Variants in NPLOC4 observed in about 807,000 individuals in gnomAD.
The protein encoded by NPLOC4 is nuclear protein localization protein 4 homolog.
A neutral mutation model predicts 80.6 loss-of-function variants in NPLOC4; 18 were observed. The ratio of observed to expected loss-of-function variants is 0.22; its 90% CI spans 0.15 to 0.33. The LOEUF is 0.33. Ranked by LOEUF, NPLOC4 falls within the 10% of genes least tolerant of loss-of-function variation. The probability of loss-of-function intolerance (pLI) is 1.00; values close to 1 mark genes in which losing one functional copy is unlikely to be tolerated. For synonymous variants in NPLOC4, 313 were observed against 301.5 expected, an observed-to-expected ratio of 1.04 and a Z score of -0.39; for missense variants, 540 against 786.1, an observed-to-expected ratio of 0.69 and a Z score of 3.74.
At chr17:81,597,218 A>C (rs752631220) in intron 10 of NPLOC4, 27 bp downstream of exon 10, 2 of 1,593,642 alleles carry the variant, frequency 1.3e-6, no homozygotes, top group Non-Finnish European at 1.7e-6. Context: ...CCATAGGGCC[A>C]CACGCACAGT....
At chr17:81,634,020 C>T (rs145752697) in intron 1 of NPLOC4, among the ~76,000 whole-genome samples, 3,619 of 151,772 alleles carry the variant, frequency 0.024, 141 homozygotes, top group African/African-American at 0.083. Context: ...CACGCCACCA[C>T]GCCCGGTTAA....
chr17:81,631,454 T>A (rs879506504), intron 1 of NPLOC4, among the ~76,000 whole-genome samples: 2,682 of 82,826 alleles, frequency 0.032, 90 homozygotes, highest in African/African-American at 0.069. Context: ...TTTTTTTTTT[T>A]TTTTTTTTCC....
chr17:81,617,491 CAG>C (rs898044798), intron 3 of NPLOC4, among the ~76,000 whole-genome samples: 1 of 152,078 alleles, frequency 6.6e-6, no homozygotes, highest in Non-Finnish European at 1.5e-5. Context: ...CTGACCAACA[CAG>C]AGAAACCCCA....
intron 3 of NPLOC4, among the ~76,000 whole-genome samples, chr17:81,614,724 C>T (rs1170271122): frequency 2.6e-5 from 4 of 152,188 alleles, no homozygotes; most frequent in African/African-American, 9.7e-5. Context: ...GCATGGCAAA[C>T]TGCTGACCTC....
chr17:81,564,210 T>C (rs1307853159), intron 16 of NPLOC4: 1 of 178,604 alleles, frequency 5.6e-6, no homozygotes, highest in Non-Finnish European at 1.2e-5. Context: ...TCAGGCAATA[T>C]ACCCAGGTGA....
At position 81,597,292 on chromosome 17, in the gene NPLOC4, C is replaced by G. The variant is rs552390573; in HGVS notation, c.946G>C (p.Val316Leu). Reference sequence around the variant, plus strand: ...GTACCCTTTCGGGTATCTTCTGAGACGAGGTCTGTAAATATCCAGCCAACC... The same window carrying G: ...GTACCCTTTCGGGTATCTTCTGAGAGGAGGTCTGTAAATATCCAGCCAACC... ...RKVGWIFTDLVSEDTRKGTVR... is the reference protein window; with the variant it reads ...RKVGWIFTDLLSEDTRKGTVR... Residue 316 changes from valine (V) to leucine (L), a missense_variant, in exon 10 of 17, where the codon GTC becomes CTC. Coordinates refer to ENST00000331134, the MANE Select transcript of NPLOC4 (RefSeq NM_017921.4). 1 of 1,613,294 alleles carries G rather than the reference C, an allele frequency of 6.2e-7. No homozygotes were observed. Among genetic ancestry groups the G allele is most frequent in the Admixed American group, 1.7e-5 (1 of 59,992 alleles).
At chr17:81,626,659 C>T (rs984176158) in intron 2 of NPLOC4, among the ~76,000 whole-genome samples, 2 of 152,108 alleles carry the variant, frequency 1.3e-5, no homozygotes, top group African/African-American at 4.8e-5. Flanking sequence ...ATGGTGAAAC[C>T]CCATCTCTAC....
In NPLOC4 at chr17:81,636,996, C is replaced by T. The variant is rs1291313244; in HGVS notation, c.-66G>A. ...GCCGCCTGCCGCCCCAAGGGCCTCG[C>T]AGACCCGGCCGCGGCCTCAGCCCCG... On this transcript the variant is annotated 5_prime_UTR_variant, in exon 1 of 17. Coordinates refer to ENST00000331134, the MANE Select transcript of NPLOC4 (RefSeq NM_017921.4). 2 of 1,089,608 alleles carry T rather than the reference C, an allele frequency of 1.8e-6. No homozygotes were observed. Among genetic ancestry groups the T allele is most frequent in the African/African-American group, 1.6e-5 (1 of 60,768 alleles). The allele number at this position is 1,089,608 out of a possible 1,614,324, so 67.5% of individuals were successfully genotyped here. A position where few individuals can be genotyped will look rare whatever the true frequency, so the allele number is the denominator to read the frequency against.
At position 81,636,893 on chromosome 17, in the gene NPLOC4, T is replaced by G. The variant is rs774568689; in HGVS notation, c.15+23A>C. Reference sequence around the variant, plus strand: ...TGCTGCCTCATCCCGGCGTCCCCGCTCCCGCCCGGCCGCCGCACTCACGAT... The same window carrying G: ...TGCTGCCTCATCCCGGCGTCCCCGCGCCCGCCCGGCCGCCGCACTCACGAT... On this transcript the variant is annotated intron_variant, in intron 1 of 16. Transcript: ENST00000331134. 71 of 1,407,288 alleles carry G rather than the reference T, an allele frequency of 5.0e-5. No individual in the cohort carries two copies. The Middle Eastern group carries it at 7.5e-4, about 15-fold the overall frequency. The allele number at this position is 1,407,288 out of a possible 1,614,324, so 87.2% of individuals were successfully genotyped here. A position where few individuals can be genotyped will look rare whatever the true frequency, so the allele number is the denominator to read the frequency against.
rs188329660 is a variant in NPLOC4 at position 81,582,212 on chromosome 17, A to T, written c.1281+6732T>A. 2.5e-4 allele frequency among the ~76,000 whole-genome samples: 38 copies of T among 152,320 alleles called. No homozygotes were observed. The East Asian group carries it at 6.5e-3, about 26-fold the overall frequency. On this transcript the variant is annotated intron_variant, in intron 12 of 16. Coordinates refer to ENST00000331134, the MANE Select transcript of NPLOC4 (RefSeq NM_017921.4). ...TTGTCCTGCAGGCTGCAGCAGCACA[A>T]CCAGGAGGGCCGTGAGGTAAGCGAG...
intron 10 of NPLOC4, 37 bp downstream of exon 10, chr17:81,597,208 C>A (rs529702722): frequency 6.4e-7 from 1 of 1,552,068 alleles, no homozygotes; most frequent in Non-Finnish European, 8.9e-7. Context: ...TGTAACCAAG[C>A]CATAGGGCCA....
At chr17:81,618,425 C>T (rs562897873) in intron 3 of NPLOC4, among the ~76,000 whole-genome samples, 1,948 of 151,818 alleles carry the variant, frequency 0.013, 15 homozygotes, top group Non-Finnish European at 0.02. Context: ...GCCCCGCAGC[C>T]GCCCCGTCTG....
intron 6 of NPLOC4, 87 bp from the exon 7 acceptor site, chr17:81,606,901 C>T: frequency 7.8e-7 from 1 of 1,274,986 alleles, no homozygotes. Context: ...TCTTATACCT[C>T]CTGAACAGTG....
Position 81,559,311 on chromosome 17 carries a change from A to G in NPLOC4, c.1775T>C (p.Met592Thr). The change falls in exon 17 of 17, where the codon ATG becomes ACG. Residue 592 changes from methionine to threonine, a missense_variant. By Grantham distance (81) the Met-to-Thr change is moderately conservative (BLOSUM62 -1). Coordinates refer to ENST00000331134, the MANE Select transcript of NPLOC4 (RefSeq NM_017921.4). ...AMWACQHCTF[M>T]NQPGTGHCEM... is the part of the protein sequence containing the mutation. ...GCAGTGGCCTGTGCCTGGCTGGTTC[A>G]TGAACGTGCAGTGCTGACAGGCCCA... is the stretch of plus-strand genomic sequence containing the variant. 2 of 1,606,712 alleles carry G rather than the reference A, an allele frequency of 1.2e-6. No homozygotes were observed. The highest frequency in any genetic ancestry group is 4.5e-5 in the East Asian group (2 of 44,626).
chr17:81,590,137 CAG>C (rs1466831816), intron 11 of NPLOC4, among the ~76,000 whole-genome samples: 1 of 152,226 alleles, frequency 6.6e-6, no homozygotes, highest in African/African-American at 2.4e-5. Flanking sequence ...GGCCGCCACA[CAG>C]AGTTAATGCC....
At chr17:81,626,705 G>C (rs1399098925) in intron 2 of NPLOC4, among the ~76,000 whole-genome samples, 1 of 152,086 alleles carries the variant, frequency 6.6e-6, no homozygotes, top group Admixed American at 6.6e-5. Flanking sequence ...AGCTCACGTG[G>C]GAGGATCGTT....
At chr17:81,618,504 C>G (rs1188005349) in intron 3 of NPLOC4, among the ~76,000 whole-genome samples, 2 of 137,462 alleles carry the variant, frequency 1.5e-5, no homozygotes, top group Non-Finnish European at 3.1e-5. Context: ...AGCGACCCCG[C>G]CCGGCCAGCC....
chr17:81,625,385 G>A (rs2035769714), intron 2 of NPLOC4, among the ~76,000 whole-genome samples: 1 of 143,378 alleles, frequency 7.0e-6, no homozygotes, highest in African/African-American at 2.6e-5. Context: ...TCTGAGCCCA[G>A]GCAAGGGGCC....
At chr17:81,597,120 A>T in intron 10 of NPLOC4, 125 bp downstream of exon 10, 1 of 685,906 alleles carries the variant, frequency 1.5e-6, no homozygotes, top group Non-Finnish European at 2.5e-6. Flanking sequence ...CTCAAAAAAT[A>T]CAAATAAATA....
Sources: gnomAD v4.1 joint callset for allele counts (sites outside exome capture counted in the v4.1 genomes callset) on GRCh38, gnomAD v4.1.1 for gene constraint, MANE v1.5 for transcripts, NCBI Gene and HGNC (gene_info 2026-07-23, HGNC 2026-07-21) for gene names.